Variants in IFT52 observed in about 807,000 individuals in gnomAD.
IFT52 encodes intraflagellar transport protein 52 homolog.
A neutral mutation model predicts 54.4 loss-of-function variants in IFT52; 44 were observed. That is an observed-to-expected ratio of 0.81 (90% confidence interval 0.63 to 1.04). The LOEUF is 1.04. Ranked by LOEUF, IFT52 falls within the 50% of genes least tolerant of loss-of-function variation. The probability of loss-of-function intolerance (pLI) is 0.00; values close to 1 mark genes in which losing one functional copy is unlikely to be tolerated. For missense variants in IFT52, 452 were observed against 523.6 expected (o/e 0.86, Z 1.33); for synonymous variants, 181 against 185.3 (o/e 0.98, Z 0.19).
intron 12 of IFT52, 155 bp from the exon 13 acceptor site, chr20:43,642,324 A>G: frequency 1.5e-6 from 1 of 651,320 alleles, no homozygotes; most frequent in Non-Finnish European, 2.6e-6. Flanking sequence ...AGGGTTTTTC[A>G]GTGTTGAAAT....
rs142271536 is a variant in IFT52 at position 43,623,975 on chromosome 20, A to G, written c.853A>G (p.Arg285Gly). 8.7e-6 allele frequency: 14 copies of G among 1,613,976 alleles called. No homozygotes were observed. In the African/African-American group the frequency reaches 1.3e-4, roughly 15 times the overall value. ...TCTCCAGGAGAGTGATGAGATCCCA[A>G]GGGACTTTACCACCCTCTTCGACCT... ...ECLQESDEIP[R>G]DFTTLFDLSI... The change falls in exon 10 of 14, where the codon AGG becomes GGG. Residue 285 changes from arginine (R) to glycine (G), a missense_variant. Physicochemically the swap from Arg to Gly is moderately radical, Grantham distance 125. Transcript: ENST00000373030.
chr20:43,602,399 T>C (rs1003904631), intron 3 of IFT52, among the ~76,000 whole-genome samples: 2 of 152,022 alleles, frequency 1.3e-5, no homozygotes, highest in Non-Finnish European at 2.9e-5. Flanking sequence ...TGACCTCAAG[T>C]GATCCACCCA....
intron 13 of IFT52, among the ~76,000 whole-genome samples, chr20:43,642,831 T>G (rs1353275473): frequency 2.6e-5 from 4 of 152,110 alleles, no homozygotes; most frequent in Non-Finnish European, 5.9e-5. Context: ...TAAACATAAG[T>G]GAGTCACATA....
chr20:43,603,956 C>T lies in IFT52; in HGVS notation c.337+67C>T. 3.4e-6 allele frequency: 4 copies of T among 1,186,850 alleles called. No homozygotes were observed. The South Asian group carries it at 4.0e-5, about 12-fold the overall frequency. The allele number at this position is 1,186,850 out of a possible 1,614,324, so 73.5% of individuals were successfully genotyped here. The stretch of plus-strand genomic sequence containing the variant: ...ATCTATTATTTGATATCATAGCCCT[C>T]TAGGTCCAGTGGCATAATGGAAAAA... On this transcript the variant is annotated intron_variant, in intron 4 of 13. Transcript: ENST00000373030.
intron 10 of IFT52, among the ~76,000 whole-genome samples, chr20:43,627,854 A>G (rs929659171): frequency 1.3e-5 from 2 of 149,086 alleles, no homozygotes; most frequent in African/African-American, 5.0e-5. Flanking sequence ...GATGTGAGCC[A>G]CCATTCCCAG....
intron 7 of IFT52, among the ~76,000 whole-genome samples, chr20:43,618,074 A>G (rs1042768014): frequency 1.3e-5 from 2 of 151,550 alleles, no homozygotes; most frequent in Non-Finnish European, 2.9e-5. Flanking sequence ...TTTGGATCTT[A>G]CTTAAATACT....
At chr20:43,601,786 G>A (rs1320991200) in intron 3 of IFT52, among the ~76,000 whole-genome samples, 2 of 152,218 alleles carry the variant, frequency 1.3e-5, no homozygotes, top group East Asian at 3.8e-4. Context: ...AGGAGTTTGA[G>A]AGGAAATCAA....
At chr20:43,628,563 A>G (rs1294569297) in intron 10 of IFT52, among the ~76,000 whole-genome samples, 2 of 152,126 alleles carry the variant, frequency 1.3e-5, no homozygotes, top group Non-Finnish European at 2.9e-5. Flanking sequence ...GTTAAAAATT[A>G]CCAAAGAAGC....
At chr20:43,634,465 GACTA>G (rs559605347) in intron 10 of IFT52, among the ~76,000 whole-genome samples, 2 of 152,248 alleles carry the variant, frequency 1.3e-5, no homozygotes, top group South Asian at 2.1e-4. Context: ...ACAGAAACTA[GACTA>G]ACTTCCATGA....
intron 2 of IFT52, 121 bp from the exon 3 acceptor site, chr20:43,596,314 C>A: frequency 1.6e-6 from 1 of 626,604 alleles, no homozygotes; most frequent in Non-Finnish European, 2.8e-6. Context: ...CCAGTTACCT[C>A]TAAATCCCTT....
chr20:43,598,593 G>A (rs920104416), intron 3 of IFT52, among the ~76,000 whole-genome samples: 3 of 152,172 alleles, frequency 2.0e-5, no homozygotes, highest in African/African-American at 7.2e-5. Context: ...TACTTGGGAA[G>A]TGGAGGTGGG....
At chr20:43,610,240 C>T (rs189747216) in intron 6 of IFT52, among the ~76,000 whole-genome samples, 114 of 146,412 alleles carry the variant, frequency 7.8e-4, no homozygotes, top group African/African-American at 2.7e-3. Flanking sequence ...TGCGATGAGC[C>T]GAGATTGCAT....
chr20:43,600,360 A>G (rs1474132286), intron 3 of IFT52, among the ~76,000 whole-genome samples: 1 of 149,818 alleles, frequency 6.7e-6, no homozygotes, highest in Non-Finnish European at 1.5e-5. Flanking sequence ...GCTGGAGTGC[A>G]GTGGAGTGAT....
At position 43,642,631 on chromosome 20, in the gene IFT52, A is replaced by C; in HGVS notation, c.1266+7A>C. On this transcript the variant is annotated splice_region_variant and intron_variant, in intron 13 of 13. Transcript: ENST00000373030. ...GTTCAAGAAATTGAACCAGGTACAGAGCCTACAAGGCACAGTGTAGTGGGA... is the reference window on the plus strand; with the variant it reads ...GTTCAAGAAATTGAACCAGGTACAGCGCCTACAAGGCACAGTGTAGTGGGA... 1 of 1,613,744 alleles carries C rather than the reference A, an allele frequency of 6.2e-7. No homozygotes were observed. The highest frequency in any genetic ancestry group is 8.5e-7 in the Non-Finnish European group (1 of 1,179,776).
intron 10 of IFT52, among the ~76,000 whole-genome samples, chr20:43,629,348 CT>C (rs539077023): frequency 1.3e-5 from 2 of 151,812 alleles, no homozygotes; most frequent in Admixed American, 1.3e-4. Flanking sequence ...TCTCGACTCA[CT>C]GCAAGCTCCG....
chr20:43,621,103 A>T, intron 9 of IFT52, 178 bp downstream of exon 9: 1 of 491,598 alleles, frequency 2.0e-6, no homozygotes, highest in Non-Finnish European at 3.7e-6. Context: ...AATAAACAAT[A>T]TATGTAATTA....
intron 10 of IFT52, among the ~76,000 whole-genome samples, chr20:43,626,386 C>T (rs1019647164): frequency 6.6e-6 from 1 of 151,698 alleles, no homozygotes; most frequent in Non-Finnish European, 1.5e-5. Context: ...GCCTGAGCCT[C>T]CTGAGTAGCA....
At chr20:43,595,296 A>C (rs1234080514) in intron 2 of IFT52, among the ~76,000 whole-genome samples, 1 of 144,804 alleles carries the variant, frequency 6.9e-6, no homozygotes, top group South Asian at 2.2e-4. Context: ...CAGCCTGGGC[A>C]ACAGAGTGAG....
intron 9 of IFT52, among the ~76,000 whole-genome samples, chr20:43,621,563 A>G (rs919374620): frequency 2.0e-5 from 3 of 152,188 alleles, no homozygotes; most frequent in African/African-American, 7.2e-5. Flanking sequence ...CCTGGGTCCA[A>G]GCGATCCTTC....
Sources: gnomAD v4.1 joint callset for allele counts (sites outside exome capture counted in the v4.1 genomes callset) on GRCh38, gnomAD v4.1.1 for gene constraint, MANE v1.5 for transcripts, NCBI Gene and HGNC (gene_info 2026-07-23, HGNC 2026-07-21) for gene names.